Variants in MYRIP observed in about 807,000 individuals in gnomAD.
MYRIP encodes myosin VIIA and Rab interacting protein.
A neutral mutation model predicts 98.0 loss-of-function variants in MYRIP; 49 were observed. The observed-to-expected ratio is 0.50, with a 90% CI of 0.40 to 0.63. MYRIP has a LOEUF of 0.63. Among genes scored for constraint, MYRIP ranks in the 30% least tolerant of loss-of-function variants. MYRIP has a pLI of 0.00. For synonymous variants in MYRIP, 404 were observed against 409.5 expected (o/e 0.99, Z 0.16); for missense variants, 1,004 against 1,058.2 (o/e 0.95, Z 0.71).
chr3:39,822,378 C>A (rs1448558244), intron 1 of MYRIP, among the ~76,000 whole-genome samples: 2 of 152,152 alleles, frequency 1.3e-5, no homozygotes, highest in East Asian at 3.9e-4. Context: ...CCATGGGCTG[C>A]ATGTGGCCCA....
chr3:40,088,357 G>A (rs1330233898), intron 3 of MYRIP, among the ~76,000 whole-genome samples: 1 of 152,194 alleles, frequency 6.6e-6, no homozygotes, highest in Non-Finnish European at 1.5e-5. Flanking sequence ...AACATAAGCT[G>A]AAGGATCAGT....
chr3:40,051,249 T>G (rs1163496571), intron 3 of MYRIP, among the ~76,000 whole-genome samples: 1 of 152,156 alleles, frequency 6.6e-6, no homozygotes, highest in Admixed American at 6.6e-5. Context: ...TTTAAGAAAC[T>G]GCCAAAGCCA....
intron 2 of MYRIP, among the ~76,000 whole-genome samples, chr3:40,004,525 G>A (rs1946590632): frequency 6.6e-6 from 1 of 151,762 alleles, no homozygotes; most frequent in Non-Finnish European, 1.5e-5. Flanking sequence ...GTGGTGTTTG[G>A]TTACATGAAT....
intron 1 of MYRIP, among the ~76,000 whole-genome samples, chr3:39,826,323 A>G (rs578236746): frequency 6.6e-6 from 1 of 152,062 alleles, no homozygotes; most frequent in East Asian, 1.9e-4. Flanking sequence ...GAGTCTTTAT[A>G]CTGCATTTGC....
chr3:39,963,454 A>G (rs1252933274), intron 2 of MYRIP, among the ~76,000 whole-genome samples: 1 of 152,116 alleles, frequency 6.6e-6, no homozygotes, highest in East Asian at 1.9e-4. Flanking sequence ...TTCACTTACT[A>G]CTTCATCCCT....
intron 10 of MYRIP, among the ~76,000 whole-genome samples, chr3:40,203,946 T>C (rs1458780890): frequency 1.1e-4 from 1 of 9,002 alleles, no homozygotes; most frequent in African/African-American, 4.4e-4. Context: ...ATATATTATA[T>C]ATATTATATA....
At chr3:40,117,467 C>A (rs563004693) in intron 3 of MYRIP, among the ~76,000 whole-genome samples, 1 of 152,306 alleles carries the variant, frequency 6.6e-6, no homozygotes, top group South Asian at 2.1e-4. Context: ...AGGTTATTCC[C>A]ATTTCTACAT....
rs534224143 is a variant in MYRIP at position 40,183,703 on chromosome 3, T to C, written c.1027+1330T>C. On this transcript the variant is annotated intron_variant, in intron 9 of 16. Coordinates refer to ENST00000302541, the MANE Select transcript of MYRIP (RefSeq NM_015460.4). ...CACTGTGTCAGGAGGCCAGGCATATTTGTCTTCACATGAAGAAAGCATTAA... is the reference window on the plus strand; with the variant it reads ...CACTGTGTCAGGAGGCCAGGCATATCTGTCTTCACATGAAGAAAGCATTAA... Among the ~76,000 whole-genome samples, 173 of 152,352 alleles carry C rather than the reference T, an allele frequency of 1.1e-3. 1 individual carries two copies. Among genetic ancestry groups the C allele is most frequent in the Non-Finnish European group, 1.9e-4 (13 of 68,038 alleles).
intron 3 of MYRIP, among the ~76,000 whole-genome samples, chr3:40,127,938 C>T (rs566548542): frequency 6.6e-6 from 1 of 152,188 alleles, no homozygotes; most frequent in Non-Finnish European, 1.5e-5. Flanking sequence ...TCTGAGATGC[C>T]TCACCATTTT....
At chr3:39,816,914 C>T (rs750910462) in intron 1 of MYRIP, among the ~76,000 whole-genome samples, 10 of 152,136 alleles carry the variant, frequency 6.6e-5, no homozygotes, top group Admixed American at 4.6e-4. Context: ...TATTAAGCCT[C>T]TGTAATGATA....
At chr3:40,155,942 T>G (rs1350580186) in intron 4 of MYRIP, among the ~76,000 whole-genome samples, 3 of 152,116 alleles carry the variant, frequency 2.0e-5, no homozygotes, top group East Asian at 3.8e-4. Context: ...TTTTGTAGGT[T>G]GCCTGTTCAC....
chr3:39,974,388 C>G (rs1945689797), intron 2 of MYRIP, among the ~76,000 whole-genome samples: 2 of 152,146 alleles, frequency 1.3e-5, no homozygotes, highest in South Asian at 4.1e-4. Flanking sequence ...ATAACAGGCT[C>G]TGAAATTCAG....
At position 40,080,687 on chromosome 3, in the gene MYRIP, T is replaced by C. The variant is rs28897202; in HGVS notation, c.332+36416T>C. On this transcript the variant is annotated intron_variant, in intron 3 of 16. Coordinates refer to ENST00000302541, the MANE Select transcript of MYRIP (RefSeq NM_015460.4). ...CATACCTGTTAGTATTTATACCTTC[T>C]TTTTTTCTTTTTTAAGATGGGAGTT... Among the ~76,000 whole-genome samples the C allele has an allele frequency of 8.8e-3, 1,330 of 151,864 alleles. 22 individuals carry two copies. Among genetic ancestry groups the C allele is most frequent in the African/African-American group, 0.03 (1,257 of 41,526 alleles).
At chr3:39,999,662 A>C (rs979743964) in intron 2 of MYRIP, among the ~76,000 whole-genome samples, 5 of 152,178 alleles carry the variant, frequency 3.3e-5, no homozygotes, top group African/African-American at 9.7e-5. Context: ...TTGACCCAGC[A>C]ATCCCATTAC....
intron 11 of MYRIP, among the ~76,000 whole-genome samples, chr3:40,218,580 TAC>T (rs775687543): frequency 2.0e-4 from 3 of 14,936 alleles, no homozygotes; most frequent in East Asian, 4.4e-3. Flanking sequence ...CATACACATT[TAC>T]ACACACACAC....
chr3:39,998,140 C>G (rs1456249034), intron 2 of MYRIP, among the ~76,000 whole-genome samples: 1 of 152,196 alleles, frequency 6.6e-6, no homozygotes, highest in Non-Finnish European at 1.5e-5. Flanking sequence ...GGGATGCCCT[C>G]TCTCACCACT....
chr3:39,840,650 A>G (rs2125593996), intron 1 of MYRIP, among the ~76,000 whole-genome samples: 1 of 152,340 alleles, frequency 6.6e-6, no homozygotes, highest in African/African-American at 2.4e-5. Flanking sequence ...CTTGTAAGGC[A>G]GGCCTGATGG....
intron 12 of MYRIP, among the ~76,000 whole-genome samples, chr3:40,241,268 AC>A (rs1328061794): frequency 3.9e-5 from 6 of 152,172 alleles, no homozygotes; most frequent in African/African-American, 1.4e-4. Context: ...GACACAGTAG[AC>A]CTGCACTACA....
chr3:40,235,573 C>T (rs567962623), intron 12 of MYRIP, among the ~76,000 whole-genome samples: 2 of 152,210 alleles, frequency 1.3e-5, no homozygotes, highest in Non-Finnish European at 2.9e-5. Context: ...GGAAATAAAA[C>T]AAGTCCTATT....
Sources: gnomAD v4.1 joint callset for allele counts (sites outside exome capture counted in the v4.1 genomes callset) on GRCh38, gnomAD v4.1.1 for gene constraint, MANE v1.5 for transcripts, NCBI Gene and HGNC (gene_info 2026-07-23, HGNC 2026-07-21) for gene names.